Variants in ADRA1B observed in about 807,000 individuals in gnomAD.
ADRA1B encodes alpha-1B adrenergic receptor.
In ADRA1B, 17 loss-of-function variants were observed where a neutral mutation model predicts 17.9. The observed-to-expected ratio is 0.95, with a 90% CI of 0.65 to 1.42. ADRA1B has a LOEUF of 1.42. Ranked by LOEUF, ADRA1B falls within the 40% of genes most tolerant of loss-of-function variation. ADRA1B has a pLI of 0.00. For missense variants in ADRA1B, 681 were observed against 722.1 expected (o/e 0.94, Z 0.65); for synonymous variants, 366 against 327.6 (o/e 1.12, Z -1.27).
At chr5:159,933,653 G>A (rs1165471550) in intron 1 of ADRA1B, among the ~76,000 whole-genome samples, 3 of 152,212 alleles carry the variant, frequency 2.0e-5, no homozygotes, top group Non-Finnish European at 4.4e-5. Context: ...AGGAGCCAGA[G>A]GAGACAACAG....
At position 159,971,971 on chromosome 5, in the gene ADRA1B, T is replaced by C; in HGVS notation, c.1042T>C (p.Tyr348His). The change falls in exon 2 of 2, where the codon TAC (tyrosine) becomes CAC (histidine). Residue 348 changes from tyrosine (Y) to histidine (H), a missense_variant. Physicochemically the swap from Tyr to His is moderately conservative, Grantham distance 83 (BLOSUM62 2). This residue lies in a region of ADRA1B where 424 missense variants were observed against 480.2 expected (regional missense o/e 0.88). Coordinates refer to ENST00000306675, the MANE Select transcript of ADRA1B (RefSeq NM_000679.4). ...YFNSCLNPII[Y>H]PCSSKEFKRA... ...CAACAGCTGCCTCAACCCCATCATCTACCCATGCTCCAGCAAGGAGTTCAA... is the reference window on the plus strand; with the variant it reads ...CAACAGCTGCCTCAACCCCATCATCCACCCATGCTCCAGCAAGGAGTTCAA... 9 of 1,445,088 alleles carry C rather than the reference T, an allele frequency of 6.2e-6. No homozygotes were observed. The highest frequency in any genetic ancestry group is 8.3e-6 in the Non-Finnish European group (9 of 1,088,240). 89.5% of individuals were successfully genotyped at this position (1,445,088 alleles called of 1,614,324 possible). A position where few individuals can be genotyped will look rare whatever the true frequency, so the allele number is the denominator to read the frequency against.
intron 1 of ADRA1B, among the ~76,000 whole-genome samples, chr5:159,936,130 C>T (rs1180377795): frequency 6.6e-6 from 1 of 152,206 alleles, no homozygotes; most frequent in Non-Finnish European, 1.5e-5. Context: ...TTAGCAATGT[C>T]AGGAGACATT....
intron 1 of ADRA1B, among the ~76,000 whole-genome samples, chr5:159,945,015 G>A (rs1044629242): frequency 2.0e-5 from 3 of 152,146 alleles, no homozygotes; most frequent in Admixed American, 1.3e-4. Flanking sequence ...AGAGGAGCAG[G>A]GTGGTGATGA....
chr5:159,966,753 C>T (rs565670119), intron 1 of ADRA1B, among the ~76,000 whole-genome samples: 2 of 152,220 alleles, frequency 1.3e-5, no homozygotes, highest in Non-Finnish European at 1.5e-5. Context: ...TGGAAATGAC[C>T]CAGTGATTCC....
intron 1 of ADRA1B, chr5:159,868,328 C>T (rs1399385094): frequency 1.3e-5 from 2 of 152,100 alleles, no homozygotes; most frequent in African/African-American, 4.8e-5. Context: ...AGGAGAGTTA[C>T]AATTTCCTAT....
At chr5:159,909,279 G>C (rs573425692) in intron 1 of ADRA1B, among the ~76,000 whole-genome samples, 110 of 152,256 alleles carry the variant, frequency 7.2e-4, no homozygotes, top group African/African-American at 2.5e-3. Context: ...ACCTCTGCCA[G>C]ACAATGGAGA....
intron 1 of ADRA1B, among the ~76,000 whole-genome samples, chr5:159,967,803 T>A (rs1001734964): frequency 2.6e-5 from 4 of 152,256 alleles, no homozygotes; most frequent in Non-Finnish European, 5.9e-5. Flanking sequence ...AAAGTTGGCA[T>A]CACCCCCTCA....
intron 1 of ADRA1B, among the ~76,000 whole-genome samples, chr5:159,957,953 GA>G (rs1219242325): frequency 1.1e-5 from 1 of 94,292 alleles, no homozygotes; most frequent in African/African-American, 4.0e-5. Flanking sequence ...AAAAAAAAAA[GA>G]AAAGAAAAAA....
chr5:159,910,235 G>A (rs1457033934), intron 1 of ADRA1B, among the ~76,000 whole-genome samples: 3 of 152,160 alleles, frequency 2.0e-5, no homozygotes, highest in African/African-American at 7.2e-5. Flanking sequence ...CCTAGAATGT[G>A]CATTATCTCA....
intron 1 of ADRA1B, among the ~76,000 whole-genome samples, chr5:159,892,878 T>C (rs1308441899): frequency 6.6e-6 from 1 of 152,188 alleles, no homozygotes; most frequent in East Asian, 1.9e-4. Context: ...TCAAATGGTA[T>C]TTCTACCTTT....
intron 1 of ADRA1B, among the ~76,000 whole-genome samples, chr5:159,899,244 A>G (rs1415474120): frequency 5.5e-5 from 8 of 145,536 alleles, no homozygotes; most frequent in East Asian, 2.1e-4. Context: ...GGGAGGGAGG[A>G]AGGAAGGAAG....
chr5:159,892,097 C>T (rs571312926), intron 1 of ADRA1B, among the ~76,000 whole-genome samples: 85 of 152,166 alleles, frequency 5.6e-4, no homozygotes, highest in African/African-American at 1.8e-3. Context: ...ATTAGCTGGG[C>T]GTGGTGGCGC....
chr5:159,946,255 T>C (rs894798276), intron 1 of ADRA1B, among the ~76,000 whole-genome samples: 1 of 152,188 alleles, frequency 6.6e-6, no homozygotes. Flanking sequence ...CCCTGGTAAA[T>C]TGACATGAGG....
intron 1 of ADRA1B, among the ~76,000 whole-genome samples, chr5:159,955,680 G>T (rs917939270): frequency 2.6e-5 from 4 of 152,246 alleles, no homozygotes; most frequent in Non-Finnish European, 5.9e-5. Context: ...ACTCTGGCTG[G>T]AGAAATATCT....
Position 159,917,638 on chromosome 5 carries a change from A to T in ADRA1B, c.733A>T (p.Met245Leu), listed in dbSNP as rs771955277. The T allele has an allele frequency of 8.1e-6, 13 of 1,613,810 alleles. 1 individual carries two copies. The East Asian group carries it at 2.9e-4, about 36-fold the overall frequency. ...KNLEAGVMKE[M>L]SNSKELTLRI... is the part of the protein sequence containing the mutation. ...CCTAGAGGCAGGAGTCATGAAGGAG[A>T]TGTCCAACTCCAAGGAGCTGACCCT... The change falls in exon 1 of 2, where the codon ATG (methionine) becomes TTG (leucine). Residue 245 changes from methionine to leucine, a missense_variant. Met to Leu is a conservative substitution (Grantham distance 15). Around this residue, in one of 3 missense-constraint regions of ADRA1B, gnomAD observed 424 missense variants for 480.2 expected, o/e 0.88. Transcript: ENST00000306675.
upstream of ADRA1B, among the ~76,000 whole-genome samples, chr5:159,911,840 G>A (rs1754230159): frequency 6.6e-6 from 1 of 152,104 alleles, no homozygotes; most frequent in South Asian, 2.1e-4. Context: ...ACAGACCCTA[G>A]TGTACCTCCT....
In ADRA1B at chr5:159,917,196, C is replaced by G. The variant is rs762868097; in HGVS notation, c.291C>G (p.Thr97=). The G allele has an allele frequency of 1.2e-6, 2 of 1,614,176 alleles. No homozygotes were observed. The highest frequency in any genetic ancestry group is 2.2e-5 in the East Asian group (1 of 44,868). The part of the protein sequence containing the change: ...LAMADLLLSF[T]VLPFSAALEV... The stretch of plus-strand genomic sequence containing the variant: ...TGGCCGACCTGCTGTTGAGCTTCAC[C>G]GTCCTGCCCTTCTCAGCGGCCCTAG... The change falls in exon 1 of 2, where the codon ACC becomes ACG. Residue 97 remains threonine (T), a synonymous_variant. Transcript: ENST00000306675.
chr5:159,879,368 G>A (rs879504035), intron 1 of ADRA1B, among the ~76,000 whole-genome samples: 2 of 152,150 alleles, frequency 1.3e-5, no homozygotes, highest in Non-Finnish European at 2.9e-5. Context: ...ACAGGCGCCT[G>A]CCTGTAAGCA....
At chr5:159,955,520 T>A (rs1755536333) in intron 1 of ADRA1B, among the ~76,000 whole-genome samples, 1 of 152,166 alleles carries the variant, frequency 6.6e-6, no homozygotes, top group African/African-American at 2.4e-5. Flanking sequence ...TTTTACCATC[T>A]GATTCCCCAA....
Sources: allele counts gnomAD v4.1 joint callset (sites outside exome capture counted in the v4.1 genomes callset), GRCh38; gene constraint gnomAD v4.1.1; regional missense constraint gnomAD v4.1.1; transcripts MANE v1.5; gene names NCBI Gene and HGNC (gene_info 2026-07-23, HGNC 2026-07-21).